NIPAL2: variants seen among roughly 807,000 people sequenced by gnomAD.
NIPAL2 encodes the protein NIPA-like protein 2.
Under a neutral mutation model 48.9 loss-of-function variants are expected in NIPAL2, and 43 were observed. The ratio of observed to expected loss-of-function variants is 0.88; its 90% confidence interval spans 0.69 to 1.13. The LOEUF is 1.13. NIPAL2 is among the 50% of genes most tolerant of loss of function. The pLI is 0.00. For missense variants in NIPAL2, 446 were observed against 461.4 expected (o/e 0.97, Z 0.31); for synonymous variants, 167 against 174.6 (o/e 0.96, Z 0.34).
At chr8:98,283,527 C>A (rs1277996882) in intron 1 of NIPAL2, among the ~76,000 whole-genome samples, 1 of 152,136 alleles carries the variant, frequency 6.6e-6, no homozygotes, top group South Asian at 2.1e-4. Context: ...CAATATAGGG[C>A]CTTATAATTT....
intron 6 of NIPAL2, 76 bp downstream of exon 6, chr8:98,212,329 A>T: frequency 1.3e-6 from 1 of 762,636 alleles, no homozygotes; most frequent in Non-Finnish European, 2.3e-6. Context: ...TAGAATGCTT[A>T]AGTATTTTCC....
chr8:98,236,032 A>G, intron 4 of NIPAL2, 123 bp downstream of exon 4: 2 of 661,290 alleles, frequency 3.0e-6, no homozygotes, highest in Admixed American at 3.0e-5. Context: ...CTGACTCTAA[A>G]TGAGACTTAC....
intron 8 of NIPAL2, among the ~76,000 whole-genome samples, chr8:98,196,452 C>T (rs957230820): frequency 2.6e-5 from 4 of 152,206 alleles, no homozygotes; most frequent in Non-Finnish European, 5.9e-5. Flanking sequence ...TGCTGTCACT[C>T]GTGGAGATGC....
chr8:98,291,345 T>G lies in NIPAL2; in HGVS notation c.135+2658A>C, dbSNP rs1365818475. Among the ~76,000 whole-genome samples, 3 of 152,162 alleles carry G rather than the reference T, an allele frequency of 2.0e-5. No homozygotes were observed. In the East Asian group the frequency reaches 5.8e-4, roughly 29 times the overall value. On this transcript the variant is annotated intron_variant, in intron 1 of 10. Coordinates refer to ENST00000430223, the MANE Select transcript of NIPAL2 (RefSeq NM_001321635.2). ...CTTCTGGGTCCCTAAGCTTTTTCCTTTCCTGCAGTGCCCTACACTGTGCAT... is the reference window on the plus strand; with the variant it reads ...CTTCTGGGTCCCTAAGCTTTTTCCTGTCCTGCAGTGCCCTACACTGTGCAT...
At chr8:98,285,099 T>C (rs1239793051) in intron 1 of NIPAL2, among the ~76,000 whole-genome samples, 1 of 152,188 alleles carries the variant, frequency 6.6e-6, no homozygotes, top group African/African-American at 2.4e-5. Flanking sequence ...AGGAGAGTAC[T>C]GTTCAGGTCC....
chr8:98,226,852 G>T (rs540363593), intron 4 of NIPAL2, among the ~76,000 whole-genome samples: 2 of 152,286 alleles, frequency 1.3e-5, no homozygotes, highest in African/African-American at 4.8e-5. Context: ...TCCCTTCAGG[G>T]TGACAAGTTC....
At chr8:98,246,690 C>A (rs1459472763) in intron 3 of NIPAL2, among the ~76,000 whole-genome samples, 1 of 152,008 alleles carries the variant, frequency 6.6e-6, no homozygotes. Context: ...AAGTATTGCC[C>A]GAATTTAACT....
intron 3 of NIPAL2, among the ~76,000 whole-genome samples, chr8:98,242,630 A>C (rs1813055581): frequency 6.6e-6 from 1 of 151,432 alleles, no homozygotes. Context: ...GGGCTATAGG[A>C]GCCCACCACT....
intron 1 of NIPAL2, among the ~76,000 whole-genome samples, chr8:98,262,285 C>G (rs1277544996): frequency 6.6e-6 from 1 of 151,838 alleles, no homozygotes; most frequent in Non-Finnish European, 1.5e-5. Context: ...ACAGTATTAA[C>G]TTTAAATGTA....
chr8:98,229,110 T>C (rs954818132), intron 4 of NIPAL2, among the ~76,000 whole-genome samples: 1 of 152,214 alleles, frequency 6.6e-6, no homozygotes, highest in African/African-American at 2.4e-5. Context: ...CTACCCACAA[T>C]GCAGGCATGG....
chr8:98,256,522 A>G (rs1166163018), intron 1 of NIPAL2, among the ~76,000 whole-genome samples: 2 of 152,240 alleles, frequency 1.3e-5, no homozygotes, highest in Non-Finnish European at 2.9e-5. Context: ...GAAGACACAC[A>G]AATGGCCAAT....
intron 1 of NIPAL2, among the ~76,000 whole-genome samples, chr8:98,273,659 C>T (rs182124800): frequency 6.6e-5 from 10 of 151,996 alleles, no homozygotes; most frequent in East Asian, 3.8e-4. Context: ...CTCAGAGATA[C>T]GTAATTTTCT....
chr8:98,207,591 C>A (rs1405262627), intron 6 of NIPAL2, among the ~76,000 whole-genome samples: 1 of 151,898 alleles, frequency 6.6e-6, no homozygotes, highest in East Asian at 1.9e-4. Context: ...ACTTGAAATT[C>A]ATTAAAAAAA....
chr8:98,280,761 T>TATATATAGAGAGAGAGAGAGAGAG, intron 1 of NIPAL2, among the ~76,000 whole-genome samples: 43 of 30,010 alleles, frequency 1.4e-3, no homozygotes, highest in South Asian at 3.0e-3. Context: ...TATATATATA[T>TATATATAGAGAGAGAGAGAGAGAG]AGAGAGAGAG....
intron 4 of NIPAL2, among the ~76,000 whole-genome samples, chr8:98,224,692 C>A (rs1164332432): frequency 6.7e-6 from 1 of 150,302 alleles, no homozygotes; most frequent in Non-Finnish European, 1.5e-5. Flanking sequence ...CACTGCATTT[C>A]AAAACTTTTT....
rs73283789 is a variant in NIPAL2, at chr8:98,254,854, G to T, written c.136-767C>A. ...TCATGCCACTGCTCTCCTAGGTCAT[G>T]CAGGTATGCCTCTCACTCACTCCAA... On this transcript the variant is annotated intron_variant, in intron 1 of 10. Transcript: ENST00000430223. 7.6e-3 allele frequency among the ~76,000 whole-genome samples: 1,151 copies of T among 152,316 alleles called. 15 individuals are homozygous for T. Among genetic ancestry groups the T allele is most frequent in the African/African-American group, 0.026 (1,074 of 41,562 alleles).
chr8:98,257,459 A>T (rs1379880979), intron 1 of NIPAL2, among the ~76,000 whole-genome samples: 1 of 149,714 alleles, frequency 6.7e-6, no homozygotes, highest in Non-Finnish European at 1.5e-5. Flanking sequence ...GGGTTTCACC[A>T]TGTTGGCCAG....
intron 6 of NIPAL2, 36 bp from the exon 7 acceptor site, chr8:98,205,282 T>C (rs748707775): frequency 1.1e-5 from 17 of 1,565,312 alleles, no homozygotes; most frequent in Admixed American, 1.9e-5. Flanking sequence ...ATAAAGAACA[T>C]ATTTCAGATT....
In NIPAL2 at chr8:98,254,103, T is replaced by A. The variant is rs542115216; in HGVS notation, c.136-16A>T. The A allele has an allele frequency of 1.3e-6, 2 of 1,597,934 alleles. No individual in the cohort carries two copies. The highest frequency in any genetic ancestry group is 4.5e-5 in the East Asian group (2 of 44,674). On this transcript the variant is annotated splice_polypyrimidine_tract_variant and intron_variant, in intron 1 of 10. Transcript: ENST00000430223. ...AAAGGTGAATCTGTAAAAGAAAATGTTTTCCTTAAATAATACTTGTAAGAT... is the reference window on the plus strand; with the variant it reads ...AAAGGTGAATCTGTAAAAGAAAATGATTTCCTTAAATAATACTTGTAAGAT...
Sources: gnomAD v4.1 joint callset for allele counts (sites outside exome capture counted in the v4.1 genomes callset) on GRCh38, gnomAD v4.1.1 for gene constraint, MANE v1.5 for transcripts, NCBI Gene and HGNC (gene_info 2026-07-23, HGNC 2026-07-21) for gene names.